Variants in MAGI3 observed in about 807,000 individuals in gnomAD.
The protein encoded by MAGI3 is membrane associated guanylate kinase, WW and PDZ domain containing 3.
Under a neutral mutation model 121.8 loss-of-function variants are expected in MAGI3, and 43 were observed. The observed-to-expected ratio is 0.35, with a 90% confidence interval of 0.28 to 0.46. The LOEUF (loss-of-function observed/expected upper bound fraction) is 0.46, where lower values mean the gene tolerates loss of function less well. Ranked by LOEUF, MAGI3 falls within the 20% of genes least tolerant of loss-of-function variation. The probability of loss-of-function intolerance (pLI) is 1.00; values close to 1 mark genes in which losing one functional copy is unlikely to be tolerated. For missense variants in MAGI3, 1,547 were observed against 1,797.3 expected (o/e 0.86, Z 2.52); for synonymous variants, 553 against 639.3 (o/e 0.86, Z 2.04).
In MAGI3 at chr1:113,507,183, TTAAAC is replaced by T. The variant is rs149052675; in HGVS notation, c.317-42329_317-42325del. On this transcript the variant is annotated intron_variant, in intron 1 of 20. Coordinates refer to ENST00000307546, the MANE Select transcript of MAGI3 (RefSeq NM_001142782.2). Reference sequence around the variant, plus strand: ...AAGAAGAGAGAGAGAGAAAAAATAATTAAACTATCTCTTGGAAAATTGGGATACAC... The same window carrying T: ...AAGAAGAGAGAGAGAGAAAAAATAATTATCTCTTGGAAAATTGGGATACAC... 2.2e-3 allele frequency among the ~76,000 whole-genome samples: 340 copies of T among 152,184 alleles called. 2 individuals are homozygous for T. The highest frequency in any genetic ancestry group is 7.9e-3 in the African/African-American group (326 of 41,514).
chr1:113,478,694 C>T (rs995850197), intron 1 of MAGI3, among the ~76,000 whole-genome samples: 3 of 152,150 alleles, frequency 2.0e-5, no homozygotes, highest in Admixed American at 6.5e-5. Context: ...AGTTAGGCTA[C>T]GCAGGGATCA....
chr1:113,535,678 A>G (rs1658941935), intron 1 of MAGI3, among the ~76,000 whole-genome samples: 1 of 152,196 alleles, frequency 6.6e-6, no homozygotes, highest in Non-Finnish European at 1.5e-5. Flanking sequence ...GTGCAACTGT[A>G]TGCCCTCATT....
At chr1:113,399,098 T>C (rs1264824704) in intron 1 of MAGI3, among the ~76,000 whole-genome samples, 1 of 150,116 alleles carries the variant, frequency 6.7e-6, no homozygotes, top group African/African-American at 2.4e-5. Context: ...TTTGGTTCTC[T>C]TTTCTTCTGG....
At chr1:113,481,278 C>T (rs1400721535) in intron 1 of MAGI3, among the ~76,000 whole-genome samples, 1 of 152,012 alleles carries the variant, frequency 6.6e-6, no homozygotes, top group African/African-American at 2.4e-5. Flanking sequence ...TCTTTTATAC[C>T]CCAAATCTTA....
At chr1:113,446,216 T>C (rs1178992829) in intron 1 of MAGI3, among the ~76,000 whole-genome samples, 2 of 152,186 alleles carry the variant, frequency 1.3e-5, no homozygotes, top group South Asian at 2.1e-4. Flanking sequence ...TCTAAAGATA[T>C]AATTTTGTGA....
At position 113,673,357 on chromosome 1, in the gene MAGI3, C is replaced by T. The variant is rs1375077000; in HGVS notation, c.3081C>T (p.Gly1027=). Residue 1027 remains glycine (G), a synonymous_variant, in exon 19 of 21, where the codon GGC becomes GGT. Transcript: ENST00000307546. ...LGCYPVELER[G]PRGFGFSLRG... ...GTTATCCAGTAGAGCTGGAGAGAGGCCCCCGGGGCTTTGGATTCAGCCTCC... is the reference window on the plus strand; with the variant it reads ...GTTATCCAGTAGAGCTGGAGAGAGGTCCCCGGGGCTTTGGATTCAGCCTCC... 3 of 1,610,974 alleles carry T rather than the reference C, an allele frequency of 1.9e-6. No homozygotes were observed. The highest frequency in any genetic ancestry group is 2.2e-5 in the South Asian group (2 of 90,418).
intron 7 of MAGI3, among the ~76,000 whole-genome samples, chr1:113,617,671 A>C (rs1323848574): frequency 6.6e-6 from 1 of 152,222 alleles, no homozygotes; most frequent in African/African-American, 2.4e-5. Context: ...GAGTCATTCT[A>C]GCCAATGACT....
chr1:113,642,251 A>G lies in MAGI3; in HGVS notation c.1701A>G (p.Ala567=), dbSNP rs374461215. The change falls in exon 10 of 21, where the codon GCA becomes GCG. Residue 567 remains alanine, a synonymous_variant. Coordinates refer to ENST00000307546, the MANE Select transcript of MAGI3 (RefSeq NM_001142782.2). ...SDASEQRVSM[A]SSGSSQPELV... ...CAAGTGAGCAGAGAGTATCCATGGC[A>G]TCGTCAGGCAGCTCCCAGCCTGAAC... 10 of 1,614,060 alleles carry G rather than the reference A, an allele frequency of 6.2e-6. No individual in the cohort carries two copies. The highest frequency in any genetic ancestry group is 2.7e-5 in the African/African-American group (2 of 74,922).
intron 1 of MAGI3, chr1:113,450,340 ATGG>A (rs1456480710): frequency 7.2e-6 from 10 of 1,387,450 alleles, no homozygotes; most frequent in Non-Finnish European, 1.0e-5. Context: ...TGGAGGAGCT[ATGG>A]TGGTGGAGGT....
chr1:113,608,311 G>A (rs1318878718), intron 6 of MAGI3, among the ~76,000 whole-genome samples: 5 of 152,238 alleles, frequency 3.3e-5, no homozygotes, highest in Admixed American at 6.5e-5. Flanking sequence ...TATTTTGGTC[G>A]CCCTTTTGGA....
chr1:113,472,969 A>G (rs1391748144), intron 1 of MAGI3, among the ~76,000 whole-genome samples: 1 of 152,222 alleles, frequency 6.6e-6, no homozygotes, highest in Admixed American at 6.5e-5. Context: ...AAACTTTTAT[A>G]GTAGAGTTGA....
chr1:113,546,878 C>T (rs947598012), intron 1 of MAGI3, among the ~76,000 whole-genome samples: 2 of 151,404 alleles, frequency 1.3e-5, no homozygotes, highest in African/African-American at 4.8e-5. Flanking sequence ...GTCAGGAGAT[C>T]GAGGCCAACC....
At chr1:113,505,114 C>G (rs1277772705) in intron 1 of MAGI3, among the ~76,000 whole-genome samples, 1 of 151,894 alleles carries the variant, frequency 6.6e-6, no homozygotes, top group Non-Finnish European at 1.5e-5. Flanking sequence ...TATAATAATA[C>G]AACAGGAGTA....
intron 1 of MAGI3, among the ~76,000 whole-genome samples, chr1:113,504,263 A>G (rs1657199525): frequency 6.6e-6 from 1 of 152,140 alleles, no homozygotes; most frequent in Non-Finnish European, 1.5e-5. Flanking sequence ...AAAAGAGAAC[A>G]TAAAATTAAT....
At chr1:113,619,997 C>A (rs1217193) in intron 8 of MAGI3, among the ~76,000 whole-genome samples, 167 bp downstream of exon 8, 3 of 152,018 alleles carry the variant, frequency 2.0e-5, no homozygotes, top group Non-Finnish European at 2.9e-5. Flanking sequence ...TGAACATTAT[C>A]AGAATACTGA....
chr1:113,620,317 A>AT (rs1427284763), intron 8 of MAGI3, among the ~76,000 whole-genome samples: 1 of 152,114 alleles, frequency 6.6e-6, no homozygotes, highest in East Asian at 1.9e-4. Context: ...TTTAGGGAGC[A>AT]TTTTTTTAAA....
At chr1:113,588,184 G>A (rs1648492550) in intron 4 of MAGI3, among the ~76,000 whole-genome samples, 1 of 152,156 alleles carries the variant, frequency 6.6e-6, no homozygotes, top group African/African-American at 2.4e-5. Context: ...AGACAGTGTG[G>A]AAGAAAAGAC....
intron 9 of MAGI3, among the ~76,000 whole-genome samples, chr1:113,639,283 C>G (rs796504626): frequency 2.6e-5 from 4 of 152,240 alleles, no homozygotes; most frequent in Admixed American, 2.6e-4. Context: ...GAGATGAACC[C>G]GGTACCTCAG....
At chr1:113,672,377 C>A in intron 17 of MAGI3, among the ~76,000 whole-genome samples, 1 of 152,096 alleles carries the variant, frequency 6.6e-6, no homozygotes, top group East Asian at 1.9e-4. Flanking sequence ...ATATAAACTG[C>A]TCTGAGATGT....
Sources: gnomAD v4.1 joint callset for allele counts (sites outside exome capture counted in the v4.1 genomes callset) on GRCh38, gnomAD v4.1.1 for gene constraint, MANE v1.5 for transcripts, NCBI Gene and HGNC (gene_info 2026-07-23, HGNC 2026-07-21) for gene names.